The following CKAP5 variants were observed in gnomAD, a reference collection of about 807,000 sequenced individuals.
CKAP5 encodes cytoskeleton-associated protein 5.
In CKAP5, 27 loss-of-function variants were observed where a neutral mutation model predicts 232.8. The ratio of observed to expected loss-of-function variants is 0.12; its 90% CI spans 0.09 to 0.16. The LOEUF is 0.16. Ranked by LOEUF, CKAP5 falls within the 10% of genes least tolerant of loss-of-function variation. The probability of loss-of-function intolerance (pLI) is 1.00; values close to 1 mark genes in which losing one functional copy is unlikely to be tolerated. For missense variants in CKAP5, 1,838 were observed against 2,424.7 expected, an observed-to-expected ratio of 0.76 and a Z score of 5.08; for synonymous variants, 785 against 841.1, an observed-to-expected ratio of 0.93 and a Z score of 1.16.
intron 16 of CKAP5, among the ~76,000 whole-genome samples, chr11:46,786,344 C>T (rs1453033489): frequency 1.3e-5 from 2 of 152,178 alleles, no homozygotes; most frequent in African/African-American, 4.8e-5. Flanking sequence ...TAGAGCTGTG[C>T]AGCCACTGGC....
rs182709453 is a variant in CKAP5, at chr11:46,780,145, T to C, written c.2433+49A>G. Reference sequence around the variant, plus strand: ...ACTACACCCAACAGTTTAGTCTTAATGAGATTCTCAAGTCCACTAACAGAT... The same window carrying C: ...ACTACACCCAACAGTTTAGTCTTAACGAGATTCTCAAGTCCACTAACAGAT... On this transcript the variant is annotated intron_variant, in intron 20 of 43. Coordinates refer to ENST00000529230, the MANE Select transcript of CKAP5 (RefSeq NM_001008938.4). 6.6e-5 allele frequency: 105 copies of C among 1,598,448 alleles called. 1 individual carries two copies. In the Admixed American group the frequency reaches 1.7e-3, roughly 26 times the overall value.
intron 35 of CKAP5, among the ~76,000 whole-genome samples, chr11:46,755,307 G>A (rs963743396): frequency 1.3e-5 from 2 of 151,984 alleles, no homozygotes. Flanking sequence ...TCCACCTTCC[G>A]GTTTCAAGTG....
chr11:46,767,596 T>C lies in CKAP5; in HGVS notation c.3390A>G (p.Pro1130=). 5.0e-6 allele frequency: 8 copies of C among 1,612,362 alleles called. No homozygotes were observed. Among genetic ancestry groups the C allele is most frequent in the Non-Finnish European group, 5.9e-6 (7 of 1,178,810 alleles). The change falls in exon 27 of 44, where the codon CCA becomes CCG. Residue 1130 remains proline (P), a synonymous_variant. Transcript: ENST00000529230. ...ATACCTTTGCTTTAGAGGATAATCC[T>C]GGAGCTTTGGCCTTTTTTGGATCAG... ...PKPDPKKAKA[P]GLSSKAKSAQ... is the part of the protein sequence containing the mutation.
chr11:46,754,638 C>T (rs1290990417), intron 36 of CKAP5, among the ~76,000 whole-genome samples: 1 of 152,180 alleles, frequency 6.6e-6, no homozygotes, highest in Non-Finnish European at 1.5e-5. Flanking sequence ...GCCTACCATG[C>T]CTGATGAAGA....
In CKAP5 at chr11:46,769,942, A is replaced by G. The variant is rs756610471; in HGVS notation, c.3322+21T>C. On this transcript the variant is annotated intron_variant, in intron 26 of 43. Transcript: ENST00000529230. ...CTCAGGGCTATTTCCTTCCCCTTTA[A>G]CCTTCTTAAGATAGAGTTACCTGAT... The G allele has an allele frequency of 7.3e-5, 117 of 1,613,448 alleles. 2 individuals are homozygous for G. The South Asian group carries it at 1.1e-3, about 16-fold the overall frequency.
At chr11:46,818,228 C>CTGTAGA in intron 3 of CKAP5, 82 bp downstream of exon 3, 2 of 1,100,886 alleles carry the variant, frequency 1.8e-6, no homozygotes, top group Non-Finnish European at 2.5e-6. Flanking sequence ...CTGCTAATAA[C>CTGTAGA]TAAGGACAGT....
At chr11:46,783,895 G>A (rs1248310611) in intron 17 of CKAP5, among the ~76,000 whole-genome samples, 3 of 151,330 alleles carry the variant, frequency 2.0e-5, no homozygotes, top group Admixed American at 6.6e-5. Context: ...TGGTAGAGAC[G>A]GGATTTCACC....
At chr11:46,806,945 G>T (rs1160328373) in intron 8 of CKAP5, among the ~76,000 whole-genome samples, 1 of 152,104 alleles carries the variant, frequency 6.6e-6, no homozygotes, top group Non-Finnish European at 1.5e-5. Flanking sequence ...CCATGTTTTT[G>T]CATTTTTGTG....
chr11:46,777,778 A>G (rs1179478383), intron 22 of CKAP5, among the ~76,000 whole-genome samples: 1 of 152,246 alleles, frequency 6.6e-6, no homozygotes, highest in Non-Finnish European at 1.5e-5. Context: ...ATTTTAGACC[A>G]GAGATCATAG....
rs2065329971 is a variant in CKAP5, at chr11:46,780,317, A to G, written c.2310T>C (p.Ala770=). The G allele has an allele frequency of 6.2e-7, 1 of 1,613,972 alleles. No homozygotes were observed. The highest frequency in any genetic ancestry group is 1.3e-5 in the African/African-American group (1 of 74,946). ...GCAGGGTTATGGCAGCAGTCCTCAC[A>G]GCCTGCCAGACAGAAGAAAAATAAC... ...VKTALAATNP[A]VRTAAITLLG... Residue 770 remains alanine, a splice_region_variant and synonymous_variant, in exon 20 of 44, where the codon GCT becomes GCC. Coordinates refer to ENST00000529230, the MANE Select transcript of CKAP5 (RefSeq NM_001008938.4).
Position 46,762,663 on chromosome 11 carries a change from C to G in CKAP5, c.3991G>C (p.Glu1331Gln). The change falls in exon 31 of 44, where the codon GAA (glutamate) becomes CAA (glutamine). Residue 1331 changes from glutamate (E) to glutamine (Q), a missense_variant. Coordinates refer to ENST00000529230, the MANE Select transcript of CKAP5 (RefSeq NM_001008938.4). ...TTAGAGTTTTTGGATTTGGTTCCTT[C>G]CATGATAAAGGGAAACATCTTGCTA... is the stretch of plus-strand genomic sequence containing the variant. ...PASKMFPFIM[E>Q]GTKSKNSKQR... 1 of 1,614,144 alleles carries G rather than the reference C, an allele frequency of 6.2e-7. No individual in the cohort carries two copies. Among genetic ancestry groups the G allele is most frequent in the Non-Finnish European group, 8.5e-7 (1 of 1,179,978 alleles).
intron 1 of CKAP5, among the ~76,000 whole-genome samples, chr11:46,825,728 A>G (rs12577603): frequency 0.13 from 19,704 of 151,704 alleles, 1,565 homozygotes; most frequent in African/African-American, 0.23. Flanking sequence ...CATTTGAATG[A>G]CCACTGAGTG....
intron 16 of CKAP5, among the ~76,000 whole-genome samples, chr11:46,788,079 C>G (rs996265933): frequency 6.6e-6 from 1 of 152,172 alleles, no homozygotes; most frequent in Non-Finnish European, 1.5e-5. Context: ...AATACATGTA[C>G]CATTCAAAAT....
At chr11:46,841,611 C>T (rs147429069) in intron 1 of CKAP5, among the ~76,000 whole-genome samples, 1 of 152,254 alleles carries the variant, frequency 6.6e-6, no homozygotes, top group Non-Finnish European at 1.5e-5. Flanking sequence ...TCATCAATTA[C>T]TAAAGGTAAA....
At chr11:46,790,613 A>G (rs372841967) in intron 13 of CKAP5, 30 bp from the exon 14 acceptor site, 6 of 1,451,756 alleles carry the variant, frequency 4.1e-6, no homozygotes, top group Non-Finnish European at 4.8e-6. Flanking sequence ...TAAAAATTAA[A>G]CCACCTAAGG....
chr11:46,835,778 T>G (rs1022464063), intron 1 of CKAP5, among the ~76,000 whole-genome samples: 1 of 152,174 alleles, frequency 6.6e-6, no homozygotes, highest in African/African-American at 2.4e-5. Flanking sequence ...CTTCACCCAC[T>G]TTGGGGGTGG....
intron 4 of CKAP5, among the ~76,000 whole-genome samples, chr11:46,811,583 T>C (rs1939276093): frequency 6.6e-6 from 1 of 152,178 alleles, no homozygotes; most frequent in South Asian, 2.1e-4. Flanking sequence ...TTCAGGTGAT[T>C]CTCCTGTCTC....
intron 38 of CKAP5, 52 bp from the exon 39 acceptor site, chr11:46,751,586 T>G: frequency 6.9e-7 from 1 of 1,443,384 alleles, no homozygotes; most frequent in Non-Finnish European, 9.4e-7. Flanking sequence ...TGAGGATAAT[T>G]TGTCACCATT....
intron 1 of CKAP5, among the ~76,000 whole-genome samples, chr11:46,842,166 AG>A (rs2134726580): frequency 6.6e-6 from 1 of 152,296 alleles, no homozygotes; most frequent in South Asian, 2.1e-4. Context: ...CTGTCCCTCA[AG>A]GGAAAAATGT....
Sources: allele counts gnomAD v4.1 joint callset (sites outside exome capture counted in the v4.1 genomes callset), GRCh38; gene constraint gnomAD v4.1.1; transcripts MANE v1.5; gene names NCBI Gene and HGNC (gene_info 2026-07-23, HGNC 2026-07-21).